CDC42BPA: variants seen among roughly 807,000 people sequenced by gnomAD.
The protein encoded by CDC42BPA is serine/threonine-protein kinase MRCK alpha.
Under a neutral mutation model 223.5 loss-of-function variants are expected in CDC42BPA, and 80 were observed. The ratio of observed to expected loss-of-function variants is 0.36; its 90% CI spans 0.30 to 0.43. CDC42BPA has a LOEUF of 0.43. Among genes scored for constraint, CDC42BPA ranks in the 20% least tolerant of loss-of-function variants. CDC42BPA has a pLI of 1.00. For missense variants in CDC42BPA, 1,743 were observed against 2,099.9 expected (o/e 0.83, Z 3.32); for synonymous variants, 694 against 718.6 (o/e 0.97, Z 0.55).
chr1:227,151,901 A>AAAT (rs1661837917), intron 6 of CDC42BPA, among the ~76,000 whole-genome samples: 1 of 151,108 alleles, frequency 6.6e-6, no homozygotes, highest in Non-Finnish European at 1.5e-5. Context: ...AAAAAAAAAA[A>AAAT]AATTAGCTGG....
intron 2 of CDC42BPA, among the ~76,000 whole-genome samples, chr1:227,253,609 T>TAAATACAC (rs1402724351): frequency 5.0e-4 from 57 of 114,018 alleles, no homozygotes; most frequent in Admixed American, 1.8e-3. Context: ...AATAAATAAA[T>TAAATACAC]ACATACATAC....
chr1:227,158,363 A>G (rs1303622913), intron 6 of CDC42BPA, among the ~76,000 whole-genome samples: 1 of 150,612 alleles, frequency 6.6e-6, no homozygotes, highest in African/African-American at 2.4e-5. Context: ...CCACATGCCC[A>G]TTTTTGTTTG....
At chr1:227,237,045 CAA>C (rs11447987) in intron 2 of CDC42BPA, among the ~76,000 whole-genome samples, 150 of 84,392 alleles carry the variant, frequency 1.8e-3, no homozygotes, top group Middle Eastern at 8.5e-3. Context: ...CCGGTCTCCA[CAA>C]AAAAAAAAAA....
chr1:227,258,971 T>C lies in CDC42BPA; in HGVS notation c.179-4816A>G, dbSNP rs1009429487. 3.3e-5 allele frequency among the ~76,000 whole-genome samples: 5 copies of C among 151,162 alleles called. 1 individual carries two copies. Among genetic ancestry groups the C allele is most frequent in the African/African-American group, 1.2e-4 (5 of 40,454 alleles). The stretch of plus-strand genomic sequence containing the variant: ...CATATAAGGGACTAATCAGATCTGT[T>C]GCGCTGGTAGATAAATGACATGCTA... On this transcript the variant is annotated intron_variant, in intron 1 of 36. Coordinates refer to ENST00000366766, the MANE Select transcript of CDC42BPA (RefSeq NM_001394014.1).
intron 2 of CDC42BPA, among the ~76,000 whole-genome samples, chr1:227,244,638 T>C (rs1204736040): frequency 2.0e-5 from 3 of 152,170 alleles, no homozygotes; most frequent in Admixed American, 1.3e-4. Context: ...GCCTACACCA[T>C]TCAAGCTCTC....
chr1:227,149,609 CG>C (rs1336771378), intron 6 of CDC42BPA, among the ~76,000 whole-genome samples: 1 of 151,910 alleles, frequency 6.6e-6, no homozygotes, highest in African/African-American at 2.4e-5. Flanking sequence ...AAAAATCAAA[CG>C]GAAGTCCTAG....
intron 12 of CDC42BPA, among the ~76,000 whole-genome samples, chr1:227,114,018 A>AAAAAAAAAAAAAAAAAG (rs1253805255): frequency 6.9e-5 from 8 of 115,950 alleles, no homozygotes; most frequent in African/African-American, 2.8e-4. Flanking sequence ...ACTCCAACTC[A>AAAAAAAAAAAAAAAAAG]AAAAAAAAGA....
chr1:227,133,973 G>GAATGAATAAATAAATAAATAAATA (rs370174201), intron 10 of CDC42BPA, among the ~76,000 whole-genome samples: 1 of 146,288 alleles, frequency 6.8e-6, no homozygotes, highest in African/African-American at 2.5e-5. Context: ...AAAAATAAAT[G>GAATGAATAAATAAATAAATAAATA]AATAAATAAA....
At chr1:227,279,389 A>G (rs1181402476) in intron 1 of CDC42BPA, among the ~76,000 whole-genome samples, 2 of 152,090 alleles carry the variant, frequency 1.3e-5, no homozygotes, top group African/African-American at 4.8e-5. Flanking sequence ...GTATTTTGAT[A>G]ATTTCTATAC....
intron 23 of CDC42BPA, 60 bp from the exon 24 acceptor site, chr1:227,040,296 T>C (rs923913823): frequency 2.8e-5 from 28 of 994,372 alleles, no homozygotes; most frequent in Admixed American, 1.6e-4. Context: ...ATAATGTGAG[T>C]CCTTATGCCC....
chr1:227,204,449 G>A lies in CDC42BPA; in HGVS notation c.355-4797C>T, dbSNP rs16847431. Among the ~76,000 whole-genome samples the A allele has an allele frequency of 2.6e-3, 389 of 152,240 alleles. 9 individuals carry two copies. The East Asian group carries it at 0.047, about 19-fold the overall frequency. Reference sequence around the variant, plus strand: ...AGAAGATAATTTTATTGGAACAATAGCTATCAAAGTTTTAATGTCTCCCCT... The same window carrying A: ...AGAAGATAATTTTATTGGAACAATAACTATCAAAGTTTTAATGTCTCCCCT... On this transcript the variant is annotated intron_variant, in intron 3 of 36. Transcript: ENST00000366766.
chr1:227,147,101 TCTA>T (rs1051088683), intron 7 of CDC42BPA, among the ~76,000 whole-genome samples: 7 of 152,206 alleles, frequency 4.6e-5, no homozygotes, highest in Admixed American at 2.6e-4. Flanking sequence ...ATCTAAATTC[TCTA>T]CTTACGACCT....
intron 6 of CDC42BPA, among the ~76,000 whole-genome samples, chr1:227,148,539 C>T (rs1187569270): frequency 3.3e-5 from 5 of 151,694 alleles, no homozygotes; most frequent in Admixed American, 3.3e-4. Flanking sequence ...AAAACCCTTC[C>T]ATTACAAACT....
At chr1:227,295,114 T>C (rs1690441359) in intron 1 of CDC42BPA, among the ~76,000 whole-genome samples, 1 of 152,148 alleles carries the variant, frequency 6.6e-6, no homozygotes, top group South Asian at 2.1e-4. Context: ...CGTTTTAGTA[T>C]TACATACTAA....
At chr1:227,227,559 TTC>T (rs1247217169) in intron 2 of CDC42BPA, among the ~76,000 whole-genome samples, 4 of 152,192 alleles carry the variant, frequency 2.6e-5, no homozygotes, top group Non-Finnish European at 5.9e-5. Flanking sequence ...TTAAATACAT[TTC>T]TGAGTGAGAT....
chr1:227,051,112 C>T (rs1212756248), intron 22 of CDC42BPA, among the ~76,000 whole-genome samples: 1 of 152,178 alleles, frequency 6.6e-6, no homozygotes, highest in East Asian at 1.9e-4. Context: ...AACCTGACTA[C>T]AACCTCACAC....
At chr1:227,000,381 T>C (rs1294636662) in intron 35 of CDC42BPA, among the ~76,000 whole-genome samples, 1 of 152,220 alleles carries the variant, frequency 6.6e-6, no homozygotes, top group African/African-American at 2.4e-5. Context: ...TTCCAATTCC[T>C]TGTCTAGTTT....
chr1:227,046,043 C>A (rs554385785), intron 23 of CDC42BPA, among the ~76,000 whole-genome samples: 1 of 152,186 alleles, frequency 6.6e-6, no homozygotes, highest in Admixed American at 6.5e-5. Context: ...TGGGCTCAAG[C>A]AATCAGCCCG....
At chr1:227,220,327 CAT>C (rs1417129358) in intron 2 of CDC42BPA, among the ~76,000 whole-genome samples, 43 of 135,558 alleles carry the variant, frequency 3.2e-4, no homozygotes, top group East Asian at 8.8e-4. Flanking sequence ...CACACACACA[CAT>C]ACATATATGG....
Sources: gnomAD v4.1 joint callset for allele counts (sites outside exome capture counted in the v4.1 genomes callset) on GRCh38, gnomAD v4.1.1 for gene constraint, MANE v1.5 for transcripts, NCBI Gene and HGNC (gene_info 2026-07-23, HGNC 2026-07-21) for gene names.